TNS3: variants seen among roughly 807,000 people sequenced by gnomAD.
TNS3 encodes the protein tensin-3.
TNS3 carries 45 observed loss-of-function variants against 140.9 expected under a neutral mutation model. The ratio of observed to expected loss-of-function variants is 0.32; its 90% CI spans 0.25 to 0.41. The LOEUF (loss-of-function observed/expected upper bound fraction) is 0.41. Ranked by LOEUF, TNS3 falls within the 10% of genes least tolerant of loss-of-function variation. The pLI, the probability that TNS3 is intolerant of heterozygous loss-of-function variation, is 1.00. For missense variants in TNS3, 1,716 were observed against 1,906.7 expected (o/e 0.90, Z 1.86); for synonymous variants, 815 against 788.4 (o/e 1.03, Z -0.56).
intron 4 of TNS3, among the ~76,000 whole-genome samples, chr7:47,479,501 C>T (rs530668224): frequency 2.2e-4 from 32 of 146,150 alleles, no homozygotes; most frequent in African/African-American, 4.2e-4. Context: ...CCCCCGTCGG[C>T]GGTGAGTGCC....
intron 4 of TNS3, among the ~76,000 whole-genome samples, chr7:47,461,420 G>C (rs1796484563): frequency 6.6e-6 from 1 of 152,106 alleles, no homozygotes; most frequent in South Asian, 2.1e-4. Context: ...CTCCACAATG[G>C]AGCACTAGAG....
At chr7:47,413,547 C>T (rs926312157) in intron 12 of TNS3, among the ~76,000 whole-genome samples, 1 of 151,794 alleles carries the variant, frequency 6.6e-6, no homozygotes, top group Non-Finnish European at 1.5e-5. Context: ...CAAGACAATG[C>T]CGTTTTATAA....
chr7:47,499,752 C>G (rs950149364), intron 3 of TNS3, among the ~76,000 whole-genome samples: 1 of 152,138 alleles, frequency 6.6e-6, no homozygotes, highest in African/African-American at 2.4e-5. Flanking sequence ...GGCAGCGAAA[C>G]TACTCCATAC....
intron 1 of TNS3, chr7:47,579,266 G>A (rs1055634010): frequency 6.7e-6 from 1 of 148,912 alleles, no homozygotes; most frequent in Non-Finnish European, 1.5e-5. Flanking sequence ...GCAGGGGTTA[G>A]CTGATTCCCC....
At chr7:47,576,062 A>G (rs1800668612) in intron 1 of TNS3, among the ~76,000 whole-genome samples, 1 of 151,994 alleles carries the variant, frequency 6.6e-6, no homozygotes, top group African/African-American at 2.4e-5. Flanking sequence ...TCCAGAGGAG[A>G]CAAACTGGAA....
chr7:47,370,456 G>A (rs1790996013), intron 16 of TNS3, among the ~76,000 whole-genome samples: 2 of 152,166 alleles, frequency 1.3e-5, no homozygotes, highest in Admixed American at 6.5e-5. Context: ...ACCTGCATGC[G>A]CTGATTTCCA....
chr7:47,399,262 TAC>T (rs1318797639), intron 15 of TNS3, among the ~76,000 whole-genome samples: 1 of 152,054 alleles, frequency 6.6e-6, no homozygotes, highest in Non-Finnish European at 1.5e-5. Context: ...CAAAGCAATC[TAC>T]AGATTCAATG....
Position 47,481,468 on chromosome 7 carries a change from G to A in TNS3, c.-114-327C>T, listed in dbSNP as rs982392219. ...CCTCAAGGATGGAAACCTCTGAGTC[G>A]GTCCGTGCTTGGGGAGCTTGGGAGC... is the stretch of plus-strand genomic sequence containing the variant. On this transcript the variant is annotated intron_variant, in intron 3 of 30. Coordinates refer to ENST00000311160, the MANE Select transcript of TNS3 (RefSeq NM_022748.12). 8.5e-5 allele frequency among the ~76,000 whole-genome samples: 13 copies of A among 152,180 alleles called. No homozygotes were observed. In the East Asian group the frequency reaches 9.6e-4, roughly 11 times the overall value.
rs375396473 is a variant in TNS3, at chr7:47,447,758, C to T, written c.-75-5703G>A. Among the ~76,000 whole-genome samples the T allele has an allele frequency of 2.1e-3, 315 of 152,296 alleles. 1 individual carries two copies. Among genetic ancestry groups the T allele is most frequent in the African/African-American group, 7.4e-3 (307 of 41,554 alleles). On this transcript the variant is annotated intron_variant, in intron 4 of 30. Transcript: ENST00000311160. ...AAAGACCCTACCCTAAAGCCTCATC[C>T]CATCCCACAGCGCCCCACCCCACCA...
chr7:47,443,791 C>T (rs1795585747), intron 4 of TNS3, among the ~76,000 whole-genome samples: 1 of 152,072 alleles, frequency 6.6e-6, no homozygotes, highest in African/African-American at 2.4e-5. Context: ...CGTGGTGGCG[C>T]ACACCTGTAA....
At chr7:47,446,865 G>GAT (rs1554330857) in intron 4 of TNS3, among the ~76,000 whole-genome samples, 2 of 147,228 alleles carry the variant, frequency 1.4e-5, no homozygotes, top group Non-Finnish European at 3.0e-5. Context: ...GCTAATTTTT[G>GAT]TTTTTTTTTT....
At chr7:47,339,416 C>T (rs1584433133) in intron 20 of TNS3, among the ~76,000 whole-genome samples, 3 of 152,216 alleles carry the variant, frequency 2.0e-5, no homozygotes, top group South Asian at 4.1e-4. Context: ...CCTGTGGGTG[C>T]CCAGGTGCCC....
Position 47,303,569 on chromosome 7 carries a change from T to A in TNS3, c.2838A>T (p.Glu946Asp), listed in dbSNP as rs1238436425. The change falls in exon 22 of 31, where the codon GAA becomes GAT. Residue 946 changes from glutamate (E) to aspartate (D), a missense_variant. Physicochemically the swap from Glu to Asp is conservative, Grantham distance 45. This residue lies in a region of TNS3 where 1,163 missense variants were observed against 1,182.1 expected (regional missense o/e 0.98). Transcript: ENST00000311160. ...TGGGGCTGCTCTCCACCCACTGGCG[T>A]TCTGCAGAAGAGGAGCTGTTCAAAA... ...GQRRESSSSA[E>D]RQWVESSPKP... The A allele has an allele frequency of 6.3e-7, 1 of 1,595,418 alleles. No individual in the cohort carries two copies. Among genetic ancestry groups the A allele is most frequent in the Admixed American group, 1.7e-5 (1 of 58,770 alleles).
rs1025846144 is a variant in TNS3 at position 47,275,986 on chromosome 7, G to T, written c.*2090C>A. 1 of 398,382 alleles carries T rather than the reference G, an allele frequency of 2.5e-6. No homozygotes were observed. Among genetic ancestry groups the T allele is most frequent in the African/African-American group, 2.1e-5 (1 of 47,926 alleles). 24.7% of individuals were successfully genotyped at this position (398,382 alleles called of 1,614,324 possible). A position where few individuals can be genotyped will look rare whatever the true frequency, so the allele number is the denominator to read the frequency against. On this transcript the variant is annotated 3_prime_UTR_variant, in exon 31 of 31. Transcript: ENST00000311160. Reference sequence around the variant, plus strand: ...CTTCATCAGAAGGATAAGGAACCTGGCCTGCACTCTTTGGGTTAAACATGG... The same window carrying T: ...CTTCATCAGAAGGATAAGGAACCTGTCCTGCACTCTTTGGGTTAAACATGG...
intron 24 of TNS3, 97 bp downstream of exon 24, chr7:47,296,985 T>C: frequency 1.4e-6 from 2 of 1,448,714 alleles, no homozygotes; most frequent in Non-Finnish European, 1.9e-6. Context: ...TTTGTGAGTA[T>C]TGTTAAAGTC....
intron 27 of TNS3, among the ~76,000 whole-genome samples, chr7:47,285,691 A>T (rs1430282701): frequency 2.6e-5 from 4 of 152,248 alleles, no homozygotes; most frequent in Non-Finnish European, 4.4e-5. Flanking sequence ...GCCTAGAAGT[A>T]ACCTAGTGGT....
intron 1 of TNS3, among the ~76,000 whole-genome samples, chr7:47,530,838 A>AAAAATATATATATATATATAT: frequency 1.1e-4 from 6 of 54,470 alleles, no homozygotes; most frequent in Non-Finnish European, 1.6e-4. Flanking sequence ...AAAAAAAAAA[A>AAAAATATATATATATATATAT]ATATATATAT....
At chr7:47,308,948 C>G (rs1487716358) in intron 20 of TNS3, among the ~76,000 whole-genome samples, 1 of 152,242 alleles carries the variant, frequency 6.6e-6, no homozygotes, top group African/African-American at 2.4e-5. Context: ...TCTCTCTGTT[C>G]AGCCTTCTCT....
rs201386118 is a variant in TNS3, at chr7:47,325,133, A to T, written c.2650+19622T>A. Among the ~76,000 whole-genome samples the T allele has an allele frequency of 1.8e-4, 28 of 152,184 alleles. No individual in the cohort carries two copies. The East Asian group carries it at 4.2e-3, about 23-fold the overall frequency. On this transcript the variant is annotated intron_variant, in intron 20 of 30. Coordinates refer to ENST00000311160, the MANE Select transcript of TNS3 (RefSeq NM_022748.12). Reference sequence around the variant, plus strand: ...AGATGCACAAAGAGGGGTTCCCAAGACCCACATCTTCCAGAAGCAAGCCTT... The same window carrying T: ...AGATGCACAAAGAGGGGTTCCCAAGTCCCACATCTTCCAGAAGCAAGCCTT...
Sources: allele counts gnomAD v4.1 joint callset (sites outside exome capture counted in the v4.1 genomes callset), GRCh38; gene constraint gnomAD v4.1.1; regional missense constraint gnomAD v4.1.1; transcripts MANE v1.5; gene names NCBI Gene and HGNC (gene_info 2026-07-23, HGNC 2026-07-21).